The following SCYL2 variants were observed in gnomAD, a reference collection of about 807,000 sequenced individuals.
The protein encoded by SCYL2 is SCY1 like pseudokinase 2.
SCYL2 carries 36 observed loss-of-function variants against 100.4 expected under a neutral mutation model. The observed-to-expected ratio is 0.36, with a 90% CI of 0.27 to 0.47. SCYL2 has a LOEUF of 0.47. Among genes scored for constraint, SCYL2 ranks in the 20% least tolerant of loss-of-function variants. The pLI is 1.00. For synonymous variants in SCYL2, 330 were observed against 359.2 expected (o/e 0.92, Z 0.92); for missense variants, 902 against 1,083.9 (o/e 0.83, Z 2.36).
At chr12:100,278,242 C>T (rs970343397) in intron 1 of SCYL2, among the ~76,000 whole-genome samples, 17 of 152,084 alleles carry the variant, frequency 1.1e-4, no homozygotes, top group Admixed American at 5.9e-4. Flanking sequence ...TTCTGTCACC[C>T]GGGCTGGAGT....
At chr12:100,282,283 CCAAACCCCA>C (rs936051632) in intron 1 of SCYL2, among the ~76,000 whole-genome samples, 5 of 141,962 alleles carry the variant, frequency 3.5e-5, no homozygotes, top group South Asian at 2.2e-4. Context: ...CCTCAGCCTC[CCAAACCCCA>C]CAAACCCCAC....
intron 14 of SCYL2, 89 bp downstream of exon 14, chr12:100,334,355 C>A: frequency 1.3e-6 from 1 of 799,014 alleles, no homozygotes; most frequent in Non-Finnish European, 2.1e-6. Flanking sequence ...GAATAGAAAA[C>A]TTGCTGGATT....
chr12:100,339,158 G>T lies in SCYL2; in HGVS notation c.2776G>T (p.Asp926Tyr), dbSNP rs777390005. 3.7e-6 allele frequency: 6 copies of T among 1,612,032 alleles called. No homozygotes were observed. The African/African-American group carries it at 6.7e-5, about 18-fold the overall frequency. ...CAGTTCAGCTAGCAATGATTTAAAA[G>T]ATCTTTTTGGGTGAGGTGTCTTACT... is the stretch of plus-strand genomic sequence containing the variant. ...NSSSASNDLK[D>Y]LFG is the part of the protein sequence containing the mutation. Residue 926 changes from aspartate to tyrosine, a missense_variant, in exon 18 of 18, where the codon GAT becomes TAT. Physicochemically the swap from Asp to Tyr is radical, Grantham distance 160. Transcript: ENST00000360820.
intron 2 of SCYL2, among the ~76,000 whole-genome samples, chr12:100,288,024 G>A (rs1483479800): frequency 6.6e-6 from 1 of 152,160 alleles, no homozygotes; most frequent in Non-Finnish European, 1.5e-5. Context: ...AATGATGTGT[G>A]TTAGCAGAGT....
chr12:100,297,143 G>A (rs1243408060), intron 3 of SCYL2, among the ~76,000 whole-genome samples: 1 of 152,196 alleles, frequency 6.6e-6, no homozygotes, highest in African/African-American at 2.4e-5. Context: ...GGCTTGGGTG[G>A]CAAATGCTTG....
At chr12:100,320,577 TAAATAAATA>T (rs1246810904) in intron 10 of SCYL2, among the ~76,000 whole-genome samples, 1 of 148,544 alleles carries the variant, frequency 6.7e-6, no homozygotes, top group African/African-American at 2.6e-5. Flanking sequence ...AATAAATAAA[TAAATAAATA>T]AATAAATAAA....
At chr12:100,292,701 A>G (rs1194165669) in intron 3 of SCYL2, among the ~76,000 whole-genome samples, 1 of 152,242 alleles carries the variant, frequency 6.6e-6, no homozygotes, top group Non-Finnish European at 1.5e-5. Context: ...ACAGAGGATC[A>G]AAGAAACTGT....
chr12:100,271,953 C>G (rs1354983461), intron 1 of SCYL2, among the ~76,000 whole-genome samples: 1 of 152,146 alleles, frequency 6.6e-6, no homozygotes, highest in African/African-American at 2.4e-5. Flanking sequence ...GAAAGAATTG[C>G]CAGTTCCTTT....
intron 4 of SCYL2, among the ~76,000 whole-genome samples, chr12:100,298,616 C>A (rs1442033138): frequency 6.7e-6 from 1 of 149,926 alleles, no homozygotes; most frequent in Non-Finnish European, 1.5e-5. Context: ...ATGGCACGAT[C>A]TCAGCTCACT....
rs779568650 is a variant in SCYL2 at position 100,339,173 on chromosome 12, G to A, written c.*1G>A. Reference sequence around the variant, plus strand: ...TGATTTAAAAGATCTTTTTGGGTGAGGTGTCTTACTTCTATTTTGAAGGAT... The same window carrying A: ...TGATTTAAAAGATCTTTTTGGGTGAAGTGTCTTACTTCTATTTTGAAGGAT... On this transcript the variant is annotated 3_prime_UTR_variant, in exon 18 of 18. Coordinates refer to ENST00000360820, the MANE Select transcript of SCYL2 (RefSeq NM_017988.6). 5.0e-6 allele frequency: 8 copies of A among 1,609,492 alleles called. No homozygotes were observed. Among genetic ancestry groups the A allele is most frequent in the African/African-American group, 1.3e-5 (1 of 74,738 alleles).
At chr12:100,294,862 G>A (rs1247699919) in intron 3 of SCYL2, among the ~76,000 whole-genome samples, 2 of 151,734 alleles carry the variant, frequency 1.3e-5, no homozygotes, top group African/African-American at 2.4e-5. Context: ...TTTCCCAGAC[G>A]GGGTGGCTGC....
At chr12:100,297,929 T>C in intron 3 of SCYL2, 102 bp from the exon 4 acceptor site, 1 of 930,688 alleles carries the variant, frequency 1.1e-6, no homozygotes, top group Non-Finnish European at 1.6e-6. Flanking sequence ...AATAGTTACC[T>C]TCTTATTGAT....
intron 3 of SCYL2, among the ~76,000 whole-genome samples, chr12:100,295,117 G>A (rs1303656757): frequency 1.3e-5 from 2 of 151,604 alleles, no homozygotes; most frequent in African/African-American, 2.4e-5. Context: ...GGGCAGAGAC[G>A]CTCTTCACTT....
intron 4 of SCYL2, among the ~76,000 whole-genome samples, chr12:100,307,021 C>T (rs2096335347): frequency 6.6e-6 from 1 of 152,138 alleles, no homozygotes; most frequent in Non-Finnish European, 1.5e-5. Context: ...AAAAACATTC[C>T]ATGCACATGG....
chr12:100,325,061 C>G (rs747179352), intron 11 of SCYL2, among the ~76,000 whole-genome samples: 13 of 152,092 alleles, frequency 8.5e-5, no homozygotes, highest in Non-Finnish European at 1.5e-4. Flanking sequence ...GACCTCGTCT[C>G]TACTAAAAAT....
At chr12:100,301,021 G>A (rs183638883) in intron 4 of SCYL2, among the ~76,000 whole-genome samples, 1 of 152,264 alleles carries the variant, frequency 6.6e-6, no homozygotes, top group African/African-American at 2.4e-5. Flanking sequence ...ACCTAGGAGT[G>A]GGATTGCTGG....
At chr12:100,328,670 G>A (rs1241279244) in intron 12 of SCYL2, among the ~76,000 whole-genome samples, 4 of 152,184 alleles carry the variant, frequency 2.6e-5, no homozygotes, top group Non-Finnish European at 4.4e-5. Context: ...GTAACAAGTG[G>A]GGTCTTGAAG....
rs112721056 is a variant in SCYL2, at chr12:100,337,249, C to T, written c.2026-138C>T. 32 of 1,018,464 alleles carry T rather than the reference C, an allele frequency of 3.1e-5. No individual in the cohort carries two copies. In the African/African-American group the frequency reaches 5.1e-4, roughly 16 times the overall value. The allele number at this position is 1,018,464 out of a possible 1,614,324, so 63.1% of individuals were successfully genotyped here. On this transcript the variant is annotated intron_variant, in intron 16 of 17. Transcript: ENST00000360820. ...ATATAGTAATTTGAAATACAGCTTA[C>T]TGTGACAATCACCAAGACAAGAGTA...
chr12:100,301,353 T>C (rs1357304653), intron 4 of SCYL2, among the ~76,000 whole-genome samples: 1 of 152,238 alleles, frequency 6.6e-6, no homozygotes, highest in Non-Finnish European at 1.5e-5. Flanking sequence ...TTATTAGTTT[T>C]TTTTTCAATG....
Sources: allele counts gnomAD v4.1 joint callset (sites outside exome capture counted in the v4.1 genomes callset), GRCh38; gene constraint gnomAD v4.1.1; transcripts MANE v1.5; gene names NCBI Gene and HGNC (gene_info 2026-07-23, HGNC 2026-07-21).